The following DTD1 variants were observed in gnomAD, a reference collection of about 807,000 sequenced individuals.
DTD1 encodes D-tyrosyl-tRNA deacylase 1 homolog.
In DTD1, 13 loss-of-function variants were observed where a neutral mutation model predicts 25.6. The ratio of observed to expected loss-of-function variants is 0.51; its 90% confidence interval spans 0.33 to 0.81. The LOEUF (loss-of-function observed/expected upper bound fraction) is 0.81. Ranked by LOEUF, DTD1 falls within the 30% of genes least tolerant of loss-of-function variation. DTD1 has a pLI of 0.02. For synonymous variants in DTD1, 110 were observed against 103.6 expected (o/e 1.06, Z -0.37); for missense variants, 193 against 266.4 (o/e 0.72, Z 1.92).
chr20:18,714,100 C>T lies in DTD1; in HGVS notation c.478-30000C>T, dbSNP rs529947706. Among the ~76,000 whole-genome samples, 195 of 152,300 alleles carry T rather than the reference C, an allele frequency of 1.3e-3. 1 individual carries two copies. Among genetic ancestry groups the T allele is most frequent in the African/African-American group, 4.6e-3 (191 of 41,562 alleles). ...TGACTGTGAGGCCTACCCACCCTTC[C>T]TCATCATTGTTAGAGTCAAAGGAAA... On this transcript the variant is annotated intron_variant, in intron 4 of 5. Coordinates refer to ENST00000377452, the MANE Select transcript of DTD1 (RefSeq NM_080820.6).
At chr20:18,654,825 G>A (rs768260462) in intron 4 of DTD1, among the ~76,000 whole-genome samples, 6 of 152,030 alleles carry the variant, frequency 3.9e-5, no homozygotes, top group Non-Finnish European at 8.8e-5. Flanking sequence ...TTGAATAAAA[G>A]GTTAAGTTGG....
Position 18,723,639 on chromosome 20 carries a change from G to A in DTD1, c.478-20461G>A, listed in dbSNP as rs375051434. On this transcript the variant is annotated intron_variant, in intron 4 of 5. Transcript: ENST00000377452. Reference sequence around the variant, plus strand: ...TTGGTTTTGTATGTATAATTCTGTCGGTGCAGGGTATAATAGTCTGTTTGA... The same window carrying A: ...TTGGTTTTGTATGTATAATTCTGTCAGTGCAGGGTATAATAGTCTGTTTGA... Among the ~76,000 whole-genome samples the A allele has an allele frequency of 3.3e-5, 5 of 152,114 alleles. No homozygotes were observed. The East Asian group carries it at 5.8e-4, about 18-fold the overall frequency.
chr20:18,696,997 C>T (rs1403599552), intron 4 of DTD1, among the ~76,000 whole-genome samples: 1 of 151,704 alleles, frequency 6.6e-6, no homozygotes, highest in Non-Finnish European at 1.5e-5. Context: ...CTTTGGGTGG[C>T]AGAGGCGGGC....
rs1234638301 is a variant in DTD1, at chr20:18,743,970, C to T, written c.478-130C>T. 7 of 909,996 alleles carry T rather than the reference C, an allele frequency of 7.7e-6. No homozygotes were observed. In the Admixed American group the frequency reaches 1.1e-4, roughly 15 times the overall value. 56.4% of individuals were successfully genotyped at this position (909,996 alleles called of 1,614,324 possible). The stretch of plus-strand genomic sequence containing the variant: ...CTGTGTATAATTTGGTATATCTGAA[C>T]CACTGTGCTCTGCCAGGTTATCAGA... On this transcript the variant is annotated intron_variant, in intron 4 of 5. Coordinates refer to ENST00000377452, the MANE Select transcript of DTD1 (RefSeq NM_080820.6).
At chr20:18,715,234 A>T (rs1467709297) in intron 4 of DTD1, among the ~76,000 whole-genome samples, 1 of 151,974 alleles carries the variant, frequency 6.6e-6, no homozygotes, top group East Asian at 1.9e-4. Flanking sequence ...CCTGTCCCTA[A>T]ACTTGTACTC....
chr20:18,684,659 C>T (rs2061009863), intron 4 of DTD1, among the ~76,000 whole-genome samples: 1 of 152,134 alleles, frequency 6.6e-6, no homozygotes, highest in African/African-American at 2.4e-5. Flanking sequence ...CAGATCTCAA[C>T]TGCCACTCTG....
At chr20:18,719,609 G>A (rs751130780) in intron 4 of DTD1, among the ~76,000 whole-genome samples, 3 of 152,204 alleles carry the variant, frequency 2.0e-5, no homozygotes, top group African/African-American at 7.2e-5. Flanking sequence ...TCTTTCTCCA[G>A]ATGAAGAGTT....
intron 4 of DTD1, chr20:18,630,955 G>A: frequency 2.1e-6 from 1 of 479,438 alleles, no homozygotes; most frequent in Non-Finnish European, 2.7e-6. Flanking sequence ...GGAGGTATGT[G>A]GTATTGATTT....
At chr20:18,644,574 G>T (rs1242089183) in intron 4 of DTD1, among the ~76,000 whole-genome samples, 1 of 152,148 alleles carries the variant, frequency 6.6e-6, no homozygotes, top group Non-Finnish European at 1.5e-5. Flanking sequence ...TTTCTTAATA[G>T]AATTTAATAA....
At chr20:18,692,263 G>A (rs142984619) in intron 4 of DTD1, among the ~76,000 whole-genome samples, 7 of 152,156 alleles carry the variant, frequency 4.6e-5, no homozygotes, top group Admixed American at 4.6e-4. Flanking sequence ...GGAGTTTGAC[G>A]TTTGCTGATT....
chr20:18,588,442 T>G (rs2060575136), intron 1 of DTD1, among the ~76,000 whole-genome samples: 1 of 152,240 alleles, frequency 6.6e-6, no homozygotes, highest in Admixed American at 6.5e-5. Flanking sequence ...AGCATCTCCG[T>G]GGTCCGCTCT....
intron 4 of DTD1, among the ~76,000 whole-genome samples, chr20:18,661,256 T>C (rs1156737015): frequency 6.6e-6 from 1 of 152,202 alleles, no homozygotes; most frequent in Non-Finnish European, 1.5e-5. Flanking sequence ...GTATAAATTT[T>C]AGAAAAAGCT....
At chr20:18,645,247 C>T (rs999438609) in intron 4 of DTD1, among the ~76,000 whole-genome samples, 1 of 152,128 alleles carries the variant, frequency 6.6e-6, no homozygotes, top group African/African-American at 2.4e-5. Context: ...GAGAGAAATT[C>T]GGGACTTGGA....
At chr20:18,708,307 TTTTA>T (rs1205374045) in intron 4 of DTD1, among the ~76,000 whole-genome samples, 13 of 51,096 alleles carry the variant, frequency 2.5e-4, no homozygotes, top group African/African-American at 7.2e-4. Flanking sequence ...AATATATATA[TTTTA>T]TATATATATT....
At chr20:18,592,920 T>C (rs1370138148) in intron 1 of DTD1, among the ~76,000 whole-genome samples, 2 of 151,970 alleles carry the variant, frequency 1.3e-5, no homozygotes, top group African/African-American at 4.8e-5. Flanking sequence ...TGACGTCATA[T>C]GACTGCCTGC....
intron 4 of DTD1, chr20:18,642,823 C>A: frequency 6.2e-6 from 1 of 161,538 alleles, no homozygotes; most frequent in South Asian, 1.7e-4. Context: ...ACAACAGGTT[C>A]CCTTTTTCTC....
intron 4 of DTD1, among the ~76,000 whole-genome samples, chr20:18,730,086 T>G (rs1232451852): frequency 6.6e-6 from 1 of 152,180 alleles, no homozygotes; most frequent in African/African-American, 2.4e-5. Context: ...TATATGCTTT[T>G]TAATGATGAA....
intron 4 of DTD1, among the ~76,000 whole-genome samples, chr20:18,645,215 G>A (rs745549590): frequency 5.3e-5 from 8 of 152,146 alleles, no homozygotes; most frequent in South Asian, 2.1e-4. Context: ...ATAAAGATAG[G>A]TAGATAGATG....
chr20:18,759,143 A>G (rs1048308133), intron 5 of DTD1, among the ~76,000 whole-genome samples: 2 of 151,932 alleles, frequency 1.3e-5, no homozygotes, highest in Admixed American at 1.3e-4. Flanking sequence ...TGCACGTGAG[A>G]TGGGTTTCCT....
Sources: gnomAD v4.1 joint callset for allele counts (sites outside exome capture counted in the v4.1 genomes callset) on GRCh38, gnomAD v4.1.1 for gene constraint, MANE v1.5 for transcripts, NCBI Gene and HGNC (gene_info 2026-07-23, HGNC 2026-07-21) for gene names.